KATNAL1: variants seen among roughly 807,000 people sequenced by gnomAD.
KATNAL1 encodes the protein katanin p60 ATPase-containing subunit A-like 1.
KATNAL1 carries 32 observed loss-of-function variants against 55.2 expected under a neutral mutation model. The ratio of observed to expected loss-of-function variants is 0.58; its 90% CI spans 0.44 to 0.78. The LOEUF (loss-of-function observed/expected upper bound fraction) is 0.78, where lower values mean the gene tolerates loss of function less well. Ranked by LOEUF, KATNAL1 falls within the 30% of genes least tolerant of loss-of-function variation. The probability of loss-of-function intolerance (pLI) is 0.00; values close to 1 mark genes in which losing one functional copy is unlikely to be tolerated. For synonymous variants in KATNAL1, 193 were observed against 193.6 expected, an observed-to-expected ratio of 1.00 and a Z score of 0.02; for missense variants, 466 against 600.9, an observed-to-expected ratio of 0.78 and a Z score of 2.35.
chr13:30,249,612 A>G (rs916362543), intron 4 of KATNAL1, among the ~76,000 whole-genome samples: 1 of 152,252 alleles, frequency 6.6e-6, no homozygotes, highest in African/African-American at 2.4e-5. Context: ...TACACCTTGA[A>G]CAAAAAAAGC....
chr13:30,233,587 G>C (rs4002028), intron 6 of KATNAL1, among the ~76,000 whole-genome samples: 1 of 150,780 alleles, frequency 6.6e-6, no homozygotes, highest in Non-Finnish European at 1.5e-5. Context: ...TTCCACTACC[G>C]GGAATATATA....
chr13:30,277,563 G>A (rs955398178), intron 3 of KATNAL1, among the ~76,000 whole-genome samples: 7 of 152,234 alleles, frequency 4.6e-5, no homozygotes, highest in Non-Finnish European at 8.8e-5. Flanking sequence ...GAGAAGAAAC[G>A]AAGTTTATAA....
intron 9 of KATNAL1, among the ~76,000 whole-genome samples, chr13:30,221,677 T>C (rs1250816456): frequency 6.6e-6 from 1 of 152,222 alleles, no homozygotes; most frequent in Non-Finnish European, 1.5e-5. Flanking sequence ...GTGGCGTAGC[T>C]AGAAAGTTCC....
intron 9 of KATNAL1, among the ~76,000 whole-genome samples, chr13:30,225,131 C>T (rs985418272): frequency 6.6e-6 from 1 of 152,228 alleles, no homozygotes; most frequent in Middle Eastern, 3.4e-3. Context: ...TAGGAAAGTC[C>T]ATTCATCAAG....
chr13:30,255,515 T>G lies in KATNAL1; in HGVS notation c.424A>C (p.Ile142Leu), dbSNP rs369032894. The change falls in exon 4 of 11, where the codon ATA (isoleucine) becomes CTA (leucine). Residue 142 changes from isoleucine (I) to leucine (L), a missense_variant. By Grantham distance (5) the Ile-to-Leu change is conservative. This residue lies in a region of KATNAL1 where 248 missense variants were observed against 275.5 expected (regional missense o/e 0.90). Coordinates refer to ENST00000380615, the MANE Select transcript of KATNAL1 (RefSeq NM_032116.5). ...ARGPVGRAHP[I>L]SKSEKPSTSR... Reference sequence around the variant, plus strand: ...GTAGAAGGCTTTTCACTCTTTGATATAGGATGTGCTCGGCCTACAGGTCCC... The same window carrying G: ...GTAGAAGGCTTTTCACTCTTTGATAGAGGATGTGCTCGGCCTACAGGTCCC... 2.2e-5 allele frequency: 35 copies of G among 1,600,384 alleles called. No individual in the cohort carries two copies. Among genetic ancestry groups the G allele is most frequent in the Non-Finnish European group, 2.9e-5 (34 of 1,173,318 alleles).
chr13:30,289,045 A>T (rs117026699), intron 1 of KATNAL1, among the ~76,000 whole-genome samples: 1 of 152,362 alleles, frequency 6.6e-6, no homozygotes, highest in Non-Finnish European at 1.5e-5. Flanking sequence ...ATCAGTTATA[A>T]CACATCTTAG....
rs1156508351 is a variant in KATNAL1 at position 30,208,050 on chromosome 13, A to T, written c.*490T>A. 6.6e-6 allele frequency: 1 copy of T among 152,274 alleles called. No individual in the cohort carries two copies. The highest frequency in any genetic ancestry group is 2.4e-5 in the African/African-American group (1 of 41,434). The allele number at this position is 152,274 out of a possible 1,614,324, so 9.4% of individuals were successfully genotyped here. On this transcript the variant is annotated 3_prime_UTR_variant, in exon 11 of 11. Transcript: ENST00000380615. ...TCTAACAGTAAGTCATAAATTCTAA[A>T]GGTTTAATTAGTAAATTCATTATTT...
At chr13:30,301,619 T>C (rs1157553894) in intron 1 of KATNAL1, among the ~76,000 whole-genome samples, 12 of 152,190 alleles carry the variant, frequency 7.9e-5, no homozygotes, top group Non-Finnish European at 1.3e-4. Flanking sequence ...GAGCCTGGAT[T>C]TGAACCCAGA....
intron 9 of KATNAL1, among the ~76,000 whole-genome samples, chr13:30,212,780 T>G (rs1279127229): frequency 6.6e-6 from 1 of 152,190 alleles, no homozygotes; most frequent in Non-Finnish European, 1.5e-5. Flanking sequence ...ATGGATACAT[T>G]TTGATATAAT....
chr13:30,228,834 C>T (rs1195686897), intron 8 of KATNAL1, among the ~76,000 whole-genome samples: 4 of 152,212 alleles, frequency 2.6e-5, no homozygotes, highest in Admixed American at 6.5e-5. Context: ...CTCGCTGTGG[C>T]CTCAAACTCC....
At chr13:30,266,489 GATA>G (rs1243782690) in intron 3 of KATNAL1, among the ~76,000 whole-genome samples, 2 of 151,900 alleles carry the variant, frequency 1.3e-5, no homozygotes, top group Non-Finnish European at 2.9e-5. Context: ...TTACAAATAA[GATA>G]ATATTAAATT....
chr13:30,253,313 G>C (rs1878503544), intron 4 of KATNAL1, among the ~76,000 whole-genome samples: 1 of 152,116 alleles, frequency 6.6e-6, no homozygotes, highest in Admixed American at 6.5e-5. Context: ...CAACTGCGGA[G>C]TTCTTTTCTT....
intron 1 of KATNAL1, chr13:30,296,277 C>T: frequency 8.3e-7 from 1 of 1,208,162 alleles, no homozygotes; most frequent in Non-Finnish European, 1.2e-6. Context: ...TTTTTCTACC[C>T]TCTGGACTTC....
chr13:30,289,700 G>T (rs1052171483), intron 1 of KATNAL1, among the ~76,000 whole-genome samples: 4 of 152,134 alleles, frequency 2.6e-5, no homozygotes, highest in Non-Finnish European at 4.4e-5. Context: ...AACATTCCAA[G>T]TCTATTTTTT....
At chr13:30,223,593 C>T (rs1336612184) in intron 9 of KATNAL1, among the ~76,000 whole-genome samples, 2 of 151,896 alleles carry the variant, frequency 1.3e-5, no homozygotes, top group East Asian at 3.9e-4. Flanking sequence ...GATACCAAGT[C>T]AAAGTGTATT....
In KATNAL1 at chr13:30,241,039, T is replaced by C; in HGVS notation, c.540A>G (p.Lys180=). 6.2e-7 allele frequency: 1 copy of C among 1,613,652 alleles called. No individual in the cohort carries two copies. The highest frequency in any genetic ancestry group is 8.5e-7 in the Non-Finnish European group (1 of 1,179,844). The change falls in exon 5 of 11, where the codon AAA becomes AAG. Residue 180 remains lysine (K), a synonymous_variant. Transcript: ENST00000380615. ...QDGASDGEMP[K]FDGAGYDKDL... Reference sequence around the variant, plus strand: ...CCTTATCATAACCAGCACCATCAAATTTTGGCATTTCACCATCACTTGCAC... The same window carrying C: ...CCTTATCATAACCAGCACCATCAAACTTTGGCATTTCACCATCACTTGCAC...
intron 1 of KATNAL1, among the ~76,000 whole-genome samples, chr13:30,289,781 G>A (rs1882017435): frequency 6.6e-6 from 1 of 152,140 alleles, no homozygotes; most frequent in African/African-American, 2.4e-5. Flanking sequence ...ACAGTGATAT[G>A]CATGGCACTT....
chr13:30,272,763 C>T (rs1880480656), intron 3 of KATNAL1, among the ~76,000 whole-genome samples: 1 of 152,036 alleles, frequency 6.6e-6, no homozygotes, highest in Non-Finnish European at 1.5e-5. Context: ...AAACGCTCGC[C>T]AGAGAAATCT....
chr13:30,266,520 T>C (rs1244697239), intron 3 of KATNAL1, among the ~76,000 whole-genome samples: 1 of 152,164 alleles, frequency 6.6e-6, no homozygotes, highest in Non-Finnish European at 1.5e-5. Context: ...AGAGTTCCAA[T>C]AAAGTACTTA....
Sources: allele counts gnomAD v4.1 joint callset (sites outside exome capture counted in the v4.1 genomes callset), GRCh38; gene constraint gnomAD v4.1.1; regional missense constraint gnomAD v4.1.1; transcripts MANE v1.5; gene names NCBI Gene and HGNC (gene_info 2026-07-23, HGNC 2026-07-21).